Variants in KXD1 observed in about 807,000 individuals in gnomAD.
KXD1 encodes the protein KxDL motif containing 1, also known as kxDL motif-containing protein 1.
Under a neutral mutation model 12.1 loss-of-function variants are expected in KXD1, and 5 were observed. The observed-to-expected ratio is 0.41, with a 90% CI of 0.22 to 0.87. KXD1 has a LOEUF of 0.87. KXD1 is among the 40% of genes least tolerant of loss of function. The pLI, the probability that KXD1 is intolerant of heterozygous loss-of-function variation, is 0.31. For missense variants in KXD1, 193 were observed against 244.9 expected, an observed-to-expected ratio of 0.79 and a Z score of 1.41; for synonymous variants, 98 against 100.5, an observed-to-expected ratio of 0.98 and a Z score of 0.15.
At chr19:18,559,237 C>T (rs975585748) in intron 1 of KXD1, 1 of 152,110 alleles carries the variant, frequency 6.6e-6, no homozygotes, top group African/African-American at 2.4e-5. Context: ...GATCCACCAG[C>T]CTTGGCTTCC....
At chr19:18,558,326 A>G (rs1977001010) in intron 1 of KXD1, 1 of 152,048 alleles carries the variant, frequency 6.6e-6, no homozygotes, top group African/African-American at 2.4e-5. Context: ...CTGGATATAG[A>G]ACCGTGGTGC....
At position 18,568,992 on chromosome 19, in the gene KXD1, A is replaced by G; in HGVS notation, c.*361A>G. ...ACACCAGAGCCAGATGTCCCCCACC[A>G]CCGGTCAGGACCTCCTTGAGGTGCA... On this transcript the variant is annotated 3_prime_UTR_variant, in exon 5 of 5. Transcript: ENST00000222307. 1 of 273,664 alleles carries G rather than the reference A, an allele frequency of 3.7e-6. No individual in the cohort carries two copies. The highest frequency in any genetic ancestry group is 7.0e-6 in the Non-Finnish European group (1 of 142,140). The allele number at this position is 273,664 out of a possible 1,614,324, so 17.0% of individuals were successfully genotyped here.
intron 2 of KXD1, among the ~76,000 whole-genome samples, chr19:18,564,309 T>C (rs1199549311): frequency 2.6e-5 from 4 of 151,896 alleles, no homozygotes; most frequent in Admixed American, 1.3e-4. Context: ...AGGAACAACC[T>C]GGGGCTAGTG....
At chr19:18,565,868 A>G (rs1975197121) in intron 3 of KXD1, among the ~76,000 whole-genome samples, 1 of 152,056 alleles carries the variant, frequency 6.6e-6, no homozygotes, top group Non-Finnish European at 1.5e-5. Flanking sequence ...TTTGTATTTT[A>G]GTAGAGACGA....
chr19:18,568,371 C>T, intron 4 of KXD1, 31 bp from the exon 5 acceptor site: 8 of 1,569,672 alleles, frequency 5.1e-6, no homozygotes, highest in Non-Finnish European at 7.0e-6. Flanking sequence ...GGCAAGGTGA[C>T]AAAACCAACT....
At chr19:18,567,219 A>C (rs781126344) in intron 4 of KXD1, 41 bp downstream of exon 4, 29 of 1,605,852 alleles carry the variant, frequency 1.8e-5, no homozygotes, top group Non-Finnish European at 2.4e-5. Context: ...GCACGTCAGC[A>C]CTCTCCACCC....
At chr19:18,563,972 C>T (rs755638238) in intron 2 of KXD1, among the ~76,000 whole-genome samples, 3 of 151,452 alleles carry the variant, frequency 2.0e-5, no homozygotes, top group Admixed American at 6.6e-5. Context: ...CTGCTATGTC[C>T]GCCTCCCGGG....
chr19:18,563,127 C>G (rs965149287), intron 2 of KXD1, among the ~76,000 whole-genome samples: 1 of 119,428 alleles, frequency 8.4e-6, no homozygotes, highest in African/African-American at 6.2e-5. Flanking sequence ...CAAGACAATT[C>G]TTCTTCCAAT....
intron 4 of KXD1, among the ~76,000 whole-genome samples, chr19:18,567,545 T>C (rs540059714): frequency 6.6e-6 from 1 of 152,344 alleles, no homozygotes; most frequent in East Asian, 1.9e-4. Context: ...ATCTGTCCCA[T>C]GTCCAGCTGT....
intron 4 of KXD1, among the ~76,000 whole-genome samples, chr19:18,567,670 G>A (rs943551835): frequency 1.3e-5 from 2 of 152,204 alleles, no homozygotes; most frequent in African/African-American, 2.4e-5. Flanking sequence ...GAGAGCTCGC[G>A]TGTTCTCTGG....
chr19:18,568,218 GATTATACC>G (rs928080099), intron 4 of KXD1, among the ~76,000 whole-genome samples, 176 bp from the exon 5 acceptor site: 1 of 143,472 alleles, frequency 7.0e-6, no homozygotes, highest in African/African-American at 2.6e-5. Flanking sequence ...AGTGAGCCGA[GATTATACC>G]ATTGCACTCT....
chr19:18,568,626 G>A lies in KXD1; in HGVS notation c.526G>A (p.Glu176Lys), dbSNP rs58878398. ...SQTDDEEMTGE is the reference protein window; with the variant it reads ...SQTDDEEMTGK The stretch of plus-strand genomic sequence containing the variant: ...GACAGATGACGAGGAGATGACGGGC[G>A]AATAGCCCTGCTGCCCGGTGCCTTG... Residue 176 changes from glutamate (E) to lysine (K), a missense_variant, in exon 5 of 5, where the codon GAA (glutamate) becomes AAA (lysine). Transcript: ENST00000222307. The A allele has an allele frequency of 9.6e-4, 1,539 of 1,607,692 alleles. 13 individuals are homozygous for A. In the African/African-American group the frequency reaches 0.018, roughly 19 times the overall value.
At chr19:18,565,566 T>G (rs978756579) in intron 3 of KXD1, among the ~76,000 whole-genome samples, 4 of 152,086 alleles carry the variant, frequency 2.6e-5, no homozygotes, top group African/African-American at 9.7e-5. Flanking sequence ...CTGGCTGGAG[T>G]GCAGTGGCGT....
chr19:18,558,120 T>TGGATCC (rs1183184518), intron 1 of KXD1: 2 of 152,712 alleles, frequency 1.3e-5, no homozygotes, highest in Admixed American at 6.5e-5. Context: ...GGGCTGGATC[T>TGGATCC]GGATCCGGAT....
In KXD1 at chr19:18,564,892, A is replaced by G. The variant is rs761708447; in HGVS notation, c.125A>G (p.Asn42Ser). The G allele has an allele frequency of 1.2e-5, 19 of 1,613,698 alleles. No homozygotes were observed. The highest frequency in any genetic ancestry group is 3.3e-5 in the Admixed American group (2 of 59,992). Residue 42 changes from asparagine to serine, a missense_variant, in exon 3 of 5, where the codon AAT (asparagine) becomes AGT (serine). Transcript: ENST00000222307. ...AGGCTGGACCGCTTTGAGAAGACCAATGAGATGCTGCTCAACTTCAACAAC... is the reference window on the plus strand; with the variant it reads ...AGGCTGGACCGCTTTGAGAAGACCAGTGAGATGCTGCTCAACTTCAACAAC... Reference protein sequence around the residue: ...KNMLDRFEKTNEMLLNFNNLS... With the variant: ...KNMLDRFEKTSEMLLNFNNLS...
Position 18,568,784 on chromosome 19 carries a change from T to C in KXD1, c.*153T>C. 1.6e-6 allele frequency: 1 copy of C among 613,952 alleles called. No homozygotes were observed. Among genetic ancestry groups the C allele is most frequent in the Non-Finnish European group, 2.9e-6 (1 of 350,260 alleles). 38.0% of individuals were successfully genotyped at this position (613,952 alleles called of 1,614,324 possible). ...GGACAAGGCTCTCTCCCGAGGGGTG[T>C]GGAATTCCTGGGGGGGTCTTTAATT... On this transcript the variant is annotated 3_prime_UTR_variant, in exon 5 of 5. Coordinates refer to ENST00000222307, the MANE Select transcript of KXD1 (RefSeq NM_024069.4).
At position 18,568,556 on chromosome 19, in the gene KXD1, G is replaced by A. The variant is rs756772452; in HGVS notation, c.456G>A (p.Leu152=). The change falls in exon 5 of 5, where the codon CTG becomes CTA. Residue 152 remains leucine, a synonymous_variant. Transcript: ENST00000222307. ...SPSLSPGFED[L]SHVQPGSPAI... ...CCCTGAGCCCCGGCTTCGAGGACCT[G>A]TCCCATGTCCAGCCTGGCTCCCCAG... 3 of 1,613,892 alleles carry A rather than the reference G, an allele frequency of 1.9e-6. No individual in the cohort carries two copies. Among genetic ancestry groups the A allele is most frequent in the Non-Finnish European group, 1.7e-6 (2 of 1,180,032 alleles).
chr19:18,561,512 C>G (rs892367387), intron 1 of KXD1: 1 of 152,472 alleles, frequency 6.6e-6, no homozygotes, highest in Non-Finnish European at 1.5e-5. Context: ...CAAGATCGCG[C>G]CATTGCACTC....
intron 4 of KXD1, among the ~76,000 whole-genome samples, chr19:18,567,481 C>T (rs1345159828): frequency 6.6e-6 from 1 of 152,206 alleles, no homozygotes; most frequent in Admixed American, 6.5e-5. Context: ...AGCACGGGCT[C>T]ATGTGACACC....
Sources: gnomAD v4.1 joint callset for allele counts (sites outside exome capture counted in the v4.1 genomes callset) on GRCh38, gnomAD v4.1.1 for gene constraint, MANE v1.5 for transcripts, NCBI Gene and HGNC (gene_info 2026-07-23, HGNC 2026-07-21) for gene names.